CTNNA2: variants seen among roughly 807,000 people sequenced by gnomAD.
The protein encoded by CTNNA2 is catenin alpha 2, also known as catenin alpha-2.
CTNNA2 carries 42 observed loss-of-function variants against 101.0 expected under a neutral mutation model. That is an observed-to-expected ratio of 0.42 (90% CI 0.32 to 0.54). The LOEUF (loss-of-function observed/expected upper bound fraction) is 0.54, where lower values mean the gene tolerates loss of function less well. Among genes scored for constraint, CTNNA2 ranks in the 20% least tolerant of loss-of-function variants. CTNNA2 has a pLI of 0.14. For missense variants in CTNNA2, 871 were observed against 1,223.1 expected (o/e 0.71, Z 4.29); for synonymous variants, 450 against 456.4 (o/e 0.99, Z 0.18).
At chr2:80,284,277 A>T (rs995947789) in intron 7 of CTNNA2, among the ~76,000 whole-genome samples, 1 of 152,184 alleles carries the variant, frequency 6.6e-6, no homozygotes, top group Admixed American at 6.6e-5. Context: ...CTCTACTCCA[A>T]AGGCAGAAGT....
intron 9 of CTNNA2, among the ~76,000 whole-genome samples, chr2:80,421,846 T>C (rs1574000728): frequency 6.7e-6 from 1 of 148,688 alleles, no homozygotes. Flanking sequence ...CCGAGCTGAG[T>C]GTTAGCCTTT....
At chr2:80,646,482 G>T (rs1226722976) in intron 18 of CTNNA2, among the ~76,000 whole-genome samples, 1 of 152,032 alleles carries the variant, frequency 6.6e-6, no homozygotes, top group Admixed American at 6.6e-5. Flanking sequence ...CTGATGGAGA[G>T]TCTAGGAAAT....
At chr2:79,651,415 C>CT in intron 1 of CTNNA2, 137 bp from the exon 2 acceptor site, 1 of 773,782 alleles carries the variant, frequency 1.3e-6, no homozygotes, top group Non-Finnish European at 2.1e-6. Flanking sequence ...TTTTCCATCT[C>CT]TAATTTGACC....
At chr2:80,244,279 T>C (rs1282056453) in intron 7 of CTNNA2, among the ~76,000 whole-genome samples, 1 of 152,254 alleles carries the variant, frequency 6.6e-6, no homozygotes, top group Non-Finnish European at 1.5e-5. Context: ...TATTTGTAGA[T>C]TGACTAACAT....
chr2:80,396,571 T>C (rs1678032558), intron 8 of CTNNA2, among the ~76,000 whole-genome samples: 1 of 152,226 alleles, frequency 6.6e-6, no homozygotes, highest in South Asian at 2.1e-4. Flanking sequence ...CTGCCAACTG[T>C]ACCCCTATTC....
At chr2:79,306,045 C>CAAAAA (rs60219150) in intron 2 of CTNNA2, among the ~76,000 whole-genome samples, 7,560 of 79,716 alleles carry the variant, frequency 0.095, 303 homozygotes, top group African/African-American at 0.13. Flanking sequence ...GACACCATTT[C>CAAAAA]AAAAAAAAAA....
chr2:80,183,919 T>C (rs1004428313), intron 7 of CTNNA2, among the ~76,000 whole-genome samples: 7 of 151,782 alleles, frequency 4.6e-5, no homozygotes, highest in Admixed American at 2.0e-4. Context: ...GTAAGCATTG[T>C]ATGGGGCATC....
At chr2:79,788,617 T>A (rs1675030984) in intron 3 of CTNNA2, among the ~76,000 whole-genome samples, 1 of 152,064 alleles carries the variant, frequency 6.6e-6, no homozygotes, top group South Asian at 2.1e-4. Context: ...TCCAGAGTGG[T>A]TGCATGCATG....
At chr2:79,741,265 A>G (rs1558887748) in intron 2 of CTNNA2, among the ~76,000 whole-genome samples, 2 of 152,200 alleles carry the variant, frequency 1.3e-5, no homozygotes, top group Non-Finnish European at 2.9e-5. Context: ...AGAGTCCTGC[A>G]TATGCTAATC....
chr2:79,598,588 T>G (rs1438711952), intron 1 of CTNNA2, among the ~76,000 whole-genome samples: 1 of 152,250 alleles, frequency 6.6e-6, no homozygotes. Flanking sequence ...CATATGCTTA[T>G]TTGTCATCTG....
chr2:80,547,424 C>T (rs1692172786), intron 11 of CTNNA2, among the ~76,000 whole-genome samples: 1 of 152,092 alleles, frequency 6.6e-6, no homozygotes, highest in Non-Finnish European at 1.5e-5. Context: ...GTATTAAAAT[C>T]CAGATCATCC....
intron 2 of CTNNA2, among the ~76,000 whole-genome samples, chr2:79,230,454 G>C (rs895004318): frequency 6.6e-6 from 1 of 152,214 alleles, no homozygotes; most frequent in African/African-American, 2.4e-5. Context: ...CAAGAACTGA[G>C]GTTTGGGAAC....
chr2:80,419,636 C>T (rs200539999), intron 9 of CTNNA2, 35 bp downstream of exon 9: 25 of 1,607,964 alleles, frequency 1.6e-5, no homozygotes, highest in Middle Eastern at 1.7e-4. Flanking sequence ...TAGAGTTTAC[C>T]GATGGGTTCA....
In CTNNA2 at chr2:80,401,533, C is replaced by T. The variant is rs535319547; in HGVS notation, c.1137+8242C>T. On this transcript the variant is annotated intron_variant, in intron 8 of 18. Coordinates refer to ENST00000402739, the MANE Select transcript of CTNNA2 (RefSeq NM_001282597.3). ...TTTGGGAGATTCTGACTTCATGTAC[C>T]TCTGGTGGCACCTTAAAATCTCTGT... Among the ~76,000 whole-genome samples, 17 of 152,198 alleles carry T rather than the reference C, an allele frequency of 1.1e-4. No individual in the cohort carries two copies. The South Asian group carries it at 1.5e-3, about 13-fold the overall frequency.
chr2:79,504,220 T>C (rs969048306), intron 4 of CTNNA2, among the ~76,000 whole-genome samples: 1 of 151,034 alleles, frequency 6.6e-6, no homozygotes, highest in Admixed American at 6.6e-5. Flanking sequence ...TGAACTACTG[T>C]TTTTTTTTCC....
intron 2 of CTNNA2, among the ~76,000 whole-genome samples, chr2:79,249,595 T>A (rs1674743771): frequency 6.6e-6 from 1 of 152,302 alleles, no homozygotes; most frequent in South Asian, 2.1e-4. Flanking sequence ...CCACCAATGC[T>A]CCTAACTGTG....
chr2:79,322,489 T>C (rs567504676), intron 3 of CTNNA2, among the ~76,000 whole-genome samples: 2 of 152,326 alleles, frequency 1.3e-5, no homozygotes, highest in East Asian at 3.9e-4. Flanking sequence ...GGATTTTGCA[T>C]TGTCAATTTT....
chr2:79,287,816 C>T (rs1675655343), intron 2 of CTNNA2, among the ~76,000 whole-genome samples: 1 of 152,204 alleles, frequency 6.6e-6, no homozygotes, highest in African/African-American at 2.4e-5. Flanking sequence ...CCTAAGCAAG[C>T]CTGGGCAATG....
At chr2:80,188,424 T>C (rs1396014576) in intron 7 of CTNNA2, among the ~76,000 whole-genome samples, 1 of 152,212 alleles carries the variant, frequency 6.6e-6, no homozygotes, top group Non-Finnish European at 1.5e-5. Flanking sequence ...ATGAGTTTTC[T>C]ATTGCTGCTG....
Sources: gnomAD v4.1 joint callset for allele counts (sites outside exome capture counted in the v4.1 genomes callset) on GRCh38, gnomAD v4.1.1 for gene constraint, MANE v1.5 for transcripts, NCBI Gene and HGNC (gene_info 2026-07-23, HGNC 2026-07-21) for gene names.